The following IKZF2 variants were observed in gnomAD, a reference collection of about 807,000 sequenced individuals.
IKZF2 encodes zinc finger protein Helios.
Under a neutral mutation model 49.2 loss-of-function variants are expected in IKZF2, and 15 were observed. The ratio of observed to expected loss-of-function variants is 0.30; its 90% CI spans 0.20 to 0.47. The LOEUF (loss-of-function observed/expected upper bound fraction) is 0.47, where lower values mean the gene tolerates loss of function less well. Among genes scored for constraint, IKZF2 ranks in the 20% least tolerant of loss-of-function variants. The probability of loss-of-function intolerance (pLI) is 1.00; values close to 1 mark genes in which losing one functional copy is unlikely to be tolerated. For synonymous variants in IKZF2, 227 were observed against 221.4 expected (o/e 1.03, Z -0.23); for missense variants, 567 against 664.6 (o/e 0.85, Z 1.61).
At chr2:213,123,120 T>C (rs965289980) in intron 4 of IKZF2, among the ~76,000 whole-genome samples, 1 of 152,224 alleles carries the variant, frequency 6.6e-6, no homozygotes, top group Non-Finnish European at 1.5e-5. Flanking sequence ...TGTGGATGCC[T>C]ACAACCACTT....
At chr2:213,056,287 G>C (rs1365091886) in intron 5 of IKZF2, among the ~76,000 whole-genome samples, 2 of 152,028 alleles carry the variant, frequency 1.3e-5, no homozygotes, top group East Asian at 3.9e-4. Flanking sequence ...ATCCTTGCAG[G>C]AGTTATAACC....
intron 4 of IKZF2, among the ~76,000 whole-genome samples, chr2:213,116,666 A>G (rs2059886533): frequency 6.6e-6 from 1 of 152,140 alleles, no homozygotes; most frequent in Admixed American, 6.5e-5. Flanking sequence ...TGAGGCTGTG[A>G]GGTCGAAGTT....
intron 4 of IKZF2, among the ~76,000 whole-genome samples, chr2:213,076,849 C>T (rs949144908): frequency 5.9e-5 from 9 of 152,144 alleles, no homozygotes; most frequent in Non-Finnish European, 1.0e-4. Context: ...CTTGCGTGAG[C>T]GGAGATCGCG....
chr2:213,124,185 T>A (rs1451299759), intron 4 of IKZF2, among the ~76,000 whole-genome samples: 1 of 151,776 alleles, frequency 6.6e-6, no homozygotes, highest in Non-Finnish European at 1.5e-5. Flanking sequence ...CAAGGATTAT[T>A]TTCAGTGAGA....
At chr2:213,144,410 T>C (rs1286328662) in intron 4 of IKZF2, among the ~76,000 whole-genome samples, 1 of 151,886 alleles carries the variant, frequency 6.6e-6, no homozygotes, top group Non-Finnish European at 1.5e-5. Flanking sequence ...ATTTTGAACT[T>C]TAAACAATTT....
At chr2:213,034,241 C>G (rs1698772783) in intron 6 of IKZF2, among the ~76,000 whole-genome samples, 1 of 152,152 alleles carries the variant, frequency 6.6e-6, no homozygotes, top group Non-Finnish European at 1.5e-5. Context: ...GAAACTTTCT[C>G]CATAATCAGA....
At chr2:213,055,141 A>T (rs1701020211) in intron 5 of IKZF2, among the ~76,000 whole-genome samples, 1 of 151,976 alleles carries the variant, frequency 6.6e-6, no homozygotes, top group South Asian at 2.1e-4. Flanking sequence ...AAGCCATTAG[A>T]CTGACTGTGT....
intron 4 of IKZF2, among the ~76,000 whole-genome samples, chr2:213,075,933 C>T (rs55981314): frequency 0.022 from 3,278 of 152,068 alleles, 102 homozygotes; most frequent in African/African-American, 0.074. Flanking sequence ...AATACACCAC[C>T]ACCACACTCT....
At chr2:213,045,488 G>C (rs1030104125) in intron 6 of IKZF2, among the ~76,000 whole-genome samples, 1 of 152,098 alleles carries the variant, frequency 6.6e-6, no homozygotes, top group African/African-American at 2.4e-5. Context: ...TGCTCTCTTT[G>C]TCATAACATA....
At chr2:213,113,056 A>G (rs933412333) in intron 4 of IKZF2, among the ~76,000 whole-genome samples, 1 of 148,254 alleles carries the variant, frequency 6.7e-6, no homozygotes. Flanking sequence ...CCTATCATCT[A>G]AAAAAAATAA....
chr2:213,105,487 C>T (rs2059493196), intron 4 of IKZF2, among the ~76,000 whole-genome samples: 1 of 146,196 alleles, frequency 6.8e-6, no homozygotes, highest in Non-Finnish European at 1.5e-5. Flanking sequence ...TTACCTTTGT[C>T]TATACACAAT....
intron 4 of IKZF2, among the ~76,000 whole-genome samples, chr2:213,060,684 T>A (rs1701598513): frequency 6.6e-6 from 1 of 151,516 alleles, no homozygotes; most frequent in Non-Finnish European, 1.5e-5. Context: ...AATGGTTTAA[T>A]TTAAAAAGAA....
intron 4 of IKZF2, among the ~76,000 whole-genome samples, chr2:213,145,431 C>T (rs1460423533): frequency 6.6e-6 from 1 of 151,958 alleles, no homozygotes; most frequent in Non-Finnish European, 1.5e-5. Context: ...ACAAAGTCAA[C>T]AATGCATGTA....
At chr2:213,040,338 C>A (rs57595880) in intron 6 of IKZF2, among the ~76,000 whole-genome samples, 1 of 151,776 alleles carries the variant, frequency 6.6e-6, no homozygotes, top group Non-Finnish European at 1.5e-5. Flanking sequence ...TCGTCCCACC[C>A]TCTACTCTCC....
At chr2:213,042,641 G>T (rs1699769978) in intron 6 of IKZF2, among the ~76,000 whole-genome samples, 1 of 152,084 alleles carries the variant, frequency 6.6e-6, no homozygotes, top group South Asian at 2.1e-4. Context: ...CTAAAGAAGT[G>T]AATGTGGGCA....
At chr2:213,091,918 G>A (rs2125645518) in intron 4 of IKZF2, among the ~76,000 whole-genome samples, 1 of 151,516 alleles carries the variant, frequency 6.6e-6, no homozygotes, top group South Asian at 2.1e-4. Flanking sequence ...GTGTGTGTAT[G>A]TGTGTGTGTA....
intron 4 of IKZF2, among the ~76,000 whole-genome samples, chr2:213,061,271 T>C (rs1170043291): frequency 1.3e-5 from 2 of 151,526 alleles, no homozygotes; most frequent in African/African-American, 4.8e-5. Context: ...AATGGACAGT[T>C]ACACTAGACT....
At position 213,007,351 on chromosome 2, in the gene IKZF2, T is replaced by C; in HGVS notation, c.*9A>G. 2 of 1,610,098 alleles carry C rather than the reference T, an allele frequency of 1.2e-6. No homozygotes were observed. The highest frequency in any genetic ancestry group is 1.7e-6 in the Non-Finnish European group (2 of 1,178,016). On this transcript the variant is annotated 3_prime_UTR_variant, in exon 9 of 9. Coordinates refer to ENST00000434687, the MANE Select transcript of IKZF2 (RefSeq NM_001387220.1). ...TACTTCATAGGGGTCCCCTTTGGAATGAAAAGGCCTAGTGGAATGTGTGCT... is the reference window on the plus strand; with the variant it reads ...TACTTCATAGGGGTCCCCTTTGGAACGAAAAGGCCTAGTGGAATGTGTGCT...
rs973433597 is a variant in IKZF2 at position 213,089,941 on chromosome 2, C to T, written c.140-32842G>A. On this transcript the variant is annotated intron_variant, in intron 4 of 8. Coordinates refer to ENST00000434687, the MANE Select transcript of IKZF2 (RefSeq NM_001387220.1). The stretch of plus-strand genomic sequence containing the variant: ...ATTGATCAAGAGACACTTCCTGATA[C>T]TCTGGGCACTAGCAGAGCTTCTTTA... Among the ~76,000 whole-genome samples the T allele has an allele frequency of 3.3e-5, 5 of 152,292 alleles. No homozygotes were observed. The South Asian group carries it at 1.0e-3, about 32-fold the overall frequency.
Sources: gnomAD v4.1 joint callset for allele counts (sites outside exome capture counted in the v4.1 genomes callset) on GRCh38, gnomAD v4.1.1 for gene constraint, MANE v1.5 for transcripts, NCBI Gene and HGNC (gene_info 2026-07-23, HGNC 2026-07-21) for gene names.